The following NECAB2 variants were observed in gnomAD, a reference collection of about 807,000 sequenced individuals.
The protein encoded by NECAB2 is N-terminal EF-hand calcium-binding protein 2.
NECAB2 carries 68 observed loss-of-function variants against 51.9 expected under a neutral mutation model. The ratio of observed to expected loss-of-function variants is 1.31; its 90% CI spans 1.08 to 1.60. NECAB2 has a LOEUF of 1.60. Ranked by LOEUF, NECAB2 falls within the 40% of genes most tolerant of loss-of-function variation. The pLI, the probability that NECAB2 is intolerant of heterozygous loss-of-function variation, is 0.00. For synonymous variants in NECAB2, 329 were observed against 203.5 expected (o/e 1.62, Z -5.25); for missense variants, 854 against 490.3 (o/e 1.74, Z -7.00).
At chr16:83,991,918 G>T (rs1241630464) in intron 6 of NECAB2, among the ~76,000 whole-genome samples, 1 of 150,624 alleles carries the variant, frequency 6.6e-6, no homozygotes, top group Non-Finnish European at 1.5e-5. Flanking sequence ...GTCTTCCAAA[G>T]GGCTGGGATT....
chr16:83,965,345 C>T, upstream of NECAB2: 2 of 1,571,328 alleles, frequency 1.3e-6, no homozygotes, highest in Non-Finnish European at 1.7e-6. Context: ...GCTGGGCATC[C>T]CCGGGGAGGC....
At chr16:83,989,617 C>CA (rs1397204207) in intron 5 of NECAB2, among the ~76,000 whole-genome samples, 2 of 152,102 alleles carry the variant, frequency 1.3e-5, no homozygotes, top group Non-Finnish European at 2.9e-5. Flanking sequence ...TTGGGAGACC[C>CA]AAGATCCCCC....
chr16:83,998,309 C>G lies in NECAB2; in HGVS notation c.954C>G (p.Asn318Lys), dbSNP rs768987580. 1 of 1,613,428 alleles carries G rather than the reference C, an allele frequency of 6.2e-7. No individual in the cohort carries two copies. Residue 318 changes from asparagine (N) to lysine (K), a missense_variant, in exon 10 of 13, where the codon AAC becomes AAG. Coordinates refer to ENST00000305202, the MANE Select transcript of NECAB2 (RefSeq NM_019065.3). ...QYLRGTTGVR[N>K]CFHITAVRLS... is the part of the protein sequence containing the mutation. The stretch of plus-strand genomic sequence containing the variant: ...TGCGGGGGACCACTGGCGTGAGGAA[C>G]TGCTTCCAGTGAGTGAGCTGCCGAG...
chr16:83,992,004 C>A (rs1321963742), intron 6 of NECAB2, among the ~76,000 whole-genome samples: 1 of 152,174 alleles, frequency 6.6e-6, no homozygotes, highest in Non-Finnish European at 1.5e-5. Flanking sequence ...ATGGTTATAA[C>A]TGCACTCTCG....
intron 2 of NECAB2, 85 bp downstream of exon 2, chr16:83,972,260 C>A: frequency 6.3e-7 from 1 of 1,591,582 alleles, no homozygotes. Context: ...AGGAGACAAG[C>A]GCAACCTTGA....
intron 5 of NECAB2, among the ~76,000 whole-genome samples, chr16:83,983,120 C>G (rs1269219258): frequency 1.3e-5 from 2 of 152,136 alleles, no homozygotes; most frequent in Non-Finnish European, 2.9e-5. Context: ...CCGCCCACCT[C>G]GGCCTCCCAA....
chr16:83,989,752 C>G (rs1302996711), intron 5 of NECAB2, among the ~76,000 whole-genome samples: 9 of 152,296 alleles, frequency 5.9e-5, no homozygotes, highest in Admixed American at 3.3e-4. Context: ...TGAGAAATGT[C>G]CTTGCAGAAT....
At position 83,981,009 on chromosome 16, in the gene NECAB2, C is replaced by G. The variant is rs751790554; in HGVS notation, c.362-21C>G. On this transcript the variant is annotated intron_variant, in intron 4 of 12. Transcript: ENST00000305202. ...GAGGGGCAGGACCTGTGACCCCTGA[C>G]CTTTGCCTTTCCTTCCCCAGATTAC... 4.3e-6 allele frequency: 7 copies of G among 1,612,338 alleles called. No individual in the cohort carries two copies. In the Admixed American group the frequency reaches 5.0e-5, roughly 12 times the overall value.
chr16:83,975,202 GC>G (rs1351074079), intron 2 of NECAB2, among the ~76,000 whole-genome samples: 1 of 148,192 alleles, frequency 6.7e-6, no homozygotes, highest in Admixed American at 6.7e-5. Flanking sequence ...AGGTGTTGGT[GC>G]GGGGATGGGA....
intron 2 of NECAB2, among the ~76,000 whole-genome samples, chr16:83,974,065 C>G (rs910602228): frequency 1.3e-5 from 2 of 149,888 alleles, no homozygotes; most frequent in African/African-American, 5.1e-5. Flanking sequence ...GTGGGACTCT[C>G]AGTTTCCTTA....
chr16:83,995,501 ATTAGCAATG>A (rs1317085320), intron 8 of NECAB2, among the ~76,000 whole-genome samples: 1 of 152,164 alleles, frequency 6.6e-6, no homozygotes, highest in Non-Finnish European at 1.5e-5. Context: ...TGCATTTAAT[ATTAGCAATG>A]TTAGCAATTA....
At chr16:83,969,674 C>T (rs1485606272) in intron 1 of NECAB2, among the ~76,000 whole-genome samples, 2 of 150,238 alleles carry the variant, frequency 1.3e-5, no homozygotes, top group African/African-American at 4.9e-5. Context: ...GGGGGCGGCT[C>T]GGAGGAGGAG....
chr16:83,999,718 TG>T (rs1440186052), intron 10 of NECAB2, among the ~76,000 whole-genome samples: 4 of 151,884 alleles, frequency 2.6e-5, no homozygotes, highest in African/African-American at 9.7e-5. Context: ...CATAGAGCAA[TG>T]GGGGACTTGC....
At chr16:83,991,828 T>G (rs1300128777) in intron 6 of NECAB2, among the ~76,000 whole-genome samples, 1 of 148,984 alleles carries the variant, frequency 6.7e-6, no homozygotes, top group Non-Finnish European at 1.5e-5. Context: ...TTTTTTTTTT[T>G]TTTTTTTTGT....
intron 5 of NECAB2, among the ~76,000 whole-genome samples, chr16:83,984,810 T>G (rs1427873014): frequency 6.6e-6 from 1 of 152,214 alleles, no homozygotes; most frequent in Non-Finnish European, 1.5e-5. Context: ...AACCTTGTAT[T>G]TGACAGTTTT....
chr16:83,997,138 A>C, intron 8 of NECAB2, 78 bp from the exon 9 acceptor site: 9 of 1,573,628 alleles, frequency 5.7e-6, no homozygotes, highest in Non-Finnish European at 3.5e-6. Context: ...CAACAGCCCC[A>C]GGGATCCCAG....
At chr16:83,989,182 G>T (rs753925215) in intron 5 of NECAB2, among the ~76,000 whole-genome samples, 3 of 152,168 alleles carry the variant, frequency 2.0e-5, no homozygotes, top group Non-Finnish European at 4.4e-5. Context: ...CGTGTCTGGA[G>T]TCTGTTGATC....
intron 9 of NECAB2, 68 bp from the exon 10 acceptor site, chr16:83,998,137 G>C (rs1165633306): frequency 1.4e-6 from 2 of 1,399,580 alleles, no homozygotes; most frequent in East Asian, 2.3e-5. Flanking sequence ...GGTCATGGGG[G>C]CCTGATGGGG....
chr16:83,985,461 C>T (rs576301952), intron 5 of NECAB2, among the ~76,000 whole-genome samples: 45 of 149,184 alleles, frequency 3.0e-4, no homozygotes, highest in African/African-American at 1.1e-3. Flanking sequence ...GGTGAAACCC[C>T]GTCTCTACTA....
Sources: gnomAD v4.1 joint callset for allele counts (sites outside exome capture counted in the v4.1 genomes callset) on GRCh38, gnomAD v4.1.1 for gene constraint, MANE v1.5 for transcripts, NCBI Gene and HGNC (gene_info 2026-07-23, HGNC 2026-07-21) for gene names.